AGBL3: variants seen among roughly 807,000 people sequenced by gnomAD.
AGBL3 encodes cytosolic carboxypeptidase 3.
Under a neutral mutation model 94.5 loss-of-function variants are expected in AGBL3, and 68 were observed. The ratio of observed to expected loss-of-function variants is 0.72; its 90% confidence interval spans 0.59 to 0.88. The LOEUF (loss-of-function observed/expected upper bound fraction) is 0.88, where lower values mean the gene tolerates loss of function less well. AGBL3 is among the 40% of genes least tolerant of loss of function. The probability of loss-of-function intolerance (pLI) is 0.00; values close to 1 mark genes in which losing one functional copy is unlikely to be tolerated. For synonymous variants in AGBL3, 354 were observed against 370.7 expected, an observed-to-expected ratio of 0.95 and a Z score of 0.52; for missense variants, 934 against 1,103.8, an observed-to-expected ratio of 0.85 and a Z score of 2.18.
chr7:135,012,635 A>C (rs1262093689), intron 4 of AGBL3: 3 of 152,150 alleles, frequency 2.0e-5, no homozygotes, highest in Non-Finnish European at 2.9e-5. Context: ...AAATAGACCA[A>C]CGTGTTTATT....
intron 12 of AGBL3, among the ~76,000 whole-genome samples, chr7:135,074,496 A>C (rs940363205): frequency 6.6e-6 from 1 of 152,168 alleles, no homozygotes; most frequent in Non-Finnish European, 1.5e-5. Flanking sequence ...ATTCAAAAAA[A>C]TTTTAAACAA....
rs1225233317 is a variant in AGBL3 at position 135,051,809 on chromosome 7, T to C, written c.1841+5898T>C. On this transcript the variant is annotated intron_variant, in intron 11 of 16. Transcript: ENST00000436302. The stretch of plus-strand genomic sequence containing the variant: ...CCTGCTTCTTCCTTTTCCTATCATA[T>C]ACCCATAATAATGCTACCAATAAAA... Among the ~76,000 whole-genome samples the C allele has an allele frequency of 6.6e-5, 10 of 152,258 alleles. No homozygotes were observed. In the East Asian group the frequency reaches 1.9e-3, roughly 29 times the overall value.
chr7:135,067,395 T>C (rs865840379), intron 12 of AGBL3, among the ~76,000 whole-genome samples: 41 of 152,258 alleles, frequency 2.7e-4, no homozygotes, highest in African/African-American at 9.9e-4. Flanking sequence ...AGAGTAGTGG[T>C]TCTCACAGCA....
At chr7:135,084,998 C>T (rs983345401) in intron 15 of AGBL3, among the ~76,000 whole-genome samples, 1 of 152,050 alleles carries the variant, frequency 6.6e-6, no homozygotes, top group Non-Finnish European at 1.5e-5. Flanking sequence ...ACATCCTCTC[C>T]AATACTTGTT....
chr7:135,091,580 C>T lies in AGBL3; in HGVS notation c.2110+9790C>T. ...CTGTGAACTAGGGTCTTCTAGTTAG[C>T]CATCTTGCTGACATTACTCTGAGAA... On this transcript the variant is annotated intron_variant, in intron 15 of 16. Coordinates refer to ENST00000436302, the MANE Select transcript of AGBL3 (RefSeq NM_178563.4). Among the ~76,000 whole-genome samples the T allele has an allele frequency of 1.3e-5, 2 of 152,108 alleles. 1 individual carries two copies.
intron 16 of AGBL3, among the ~76,000 whole-genome samples, chr7:135,119,026 G>T (rs945526520): frequency 6.6e-6 from 1 of 152,060 alleles, no homozygotes; most frequent in Non-Finnish European, 1.5e-5. Flanking sequence ...GCACCTGTAG[G>T]ACTATAAGAC....
At chr7:135,009,892 T>C (rs548409226) in intron 4 of AGBL3, 94 of 341,246 alleles carry the variant, frequency 2.8e-4, no homozygotes, top group African/African-American at 2.1e-3. Flanking sequence ...AATTTCACCT[T>C]GCAGGTTTCT....
At chr7:135,087,550 A>G (rs1330846574) in intron 15 of AGBL3, among the ~76,000 whole-genome samples, 5 of 152,002 alleles carry the variant, frequency 3.3e-5, no homozygotes, top group African/African-American at 1.2e-4. Context: ...ATTGGTTTCA[A>G]TACATTTTTT....
At chr7:135,126,118 A>T (rs992337408) in intron 16 of AGBL3, among the ~76,000 whole-genome samples, 1 of 152,226 alleles carries the variant, frequency 6.6e-6, no homozygotes, top group Non-Finnish European at 1.5e-5. Context: ...CTGTTTGCAG[A>T]TGACATGATT....
At chr7:135,043,567 T>TA (rs1817070839) in intron 8 of AGBL3, among the ~76,000 whole-genome samples, 3 of 152,040 alleles carry the variant, frequency 2.0e-5, no homozygotes, top group African/African-American at 4.8e-5. Flanking sequence ...TATACATTTT[T>TA]AAAAAAGTAA....
intron 15 of AGBL3, among the ~76,000 whole-genome samples, chr7:135,109,331 C>A (rs999406502): frequency 6.6e-6 from 1 of 152,214 alleles, no homozygotes; most frequent in African/African-American, 2.4e-5. Flanking sequence ...GCAAAGATGA[C>A]AACCCACCTC....
intron 13 of AGBL3, among the ~76,000 whole-genome samples, chr7:135,076,961 A>T (rs923213497): frequency 8.5e-5 from 13 of 152,190 alleles, no homozygotes; most frequent in Non-Finnish European, 8.8e-5. Context: ...ATGAAACAAA[A>T]ATTTATTCAA....
chr7:135,096,445 T>C (rs1402505362), intron 15 of AGBL3, among the ~76,000 whole-genome samples: 1 of 151,294 alleles, frequency 6.6e-6, no homozygotes, highest in Non-Finnish European at 1.5e-5. Context: ...TATATATGGC[T>C]ATTCTTTTAA....
intron 15 of AGBL3, among the ~76,000 whole-genome samples, chr7:135,087,806 A>G (rs1053698888): frequency 1.3e-5 from 2 of 152,068 alleles, no homozygotes; most frequent in Non-Finnish European, 2.9e-5. Context: ...CTGTTGGATG[A>G]AATGTTCTTA....
intron 4 of AGBL3, 136 bp from the exon 5 acceptor site, chr7:135,016,916 C>T: frequency 1.6e-6 from 1 of 639,174 alleles, no homozygotes; most frequent in South Asian, 1.8e-5. Flanking sequence ...CCAATGAACC[C>T]TTAGTAAAAT....
intron 12 of AGBL3, among the ~76,000 whole-genome samples, chr7:135,071,527 T>G (rs200382081): frequency 5.3e-5 from 8 of 152,126 alleles, no homozygotes; most frequent in Admixed American, 2.6e-4. Context: ...CAAGGCTACA[T>G]TAACCAAAAC....
chr7:135,069,327 G>A (rs945637044), intron 12 of AGBL3, among the ~76,000 whole-genome samples: 1 of 152,140 alleles, frequency 6.6e-6, no homozygotes, highest in African/African-American at 2.4e-5. Flanking sequence ...AAGACAGAAA[G>A]TTAACAAGGA....
rs186099284 is a variant in AGBL3, at chr7:135,015,367, C to T, written c.311-1685C>T. Among the ~76,000 whole-genome samples the T allele has an allele frequency of 2.0e-3, 309 of 152,214 alleles. 2 individuals are homozygous for T. The highest frequency in any genetic ancestry group is 2.8e-3 in the Non-Finnish European group (189 of 68,010). ...GGATAAAAACTTTGCATTGTTCAAC[C>T]ATCCATTCATTCATCTCTCCATATG... On this transcript the variant is annotated intron_variant, in intron 4 of 16. Transcript: ENST00000436302.
intron 8 of AGBL3, among the ~76,000 whole-genome samples, chr7:135,039,869 G>A (rs1256943765): frequency 6.6e-6 from 1 of 151,854 alleles, no homozygotes; most frequent in Non-Finnish European, 1.5e-5. Context: ...TGGAAAATGA[G>A]AGACAATGAA....
Sources: gnomAD v4.1 joint callset for allele counts (sites outside exome capture counted in the v4.1 genomes callset) on GRCh38, gnomAD v4.1.1 for gene constraint, MANE v1.5 for transcripts, NCBI Gene and HGNC (gene_info 2026-07-23, HGNC 2026-07-21) for gene names.